Variants in ECE1 observed in about 807,000 individuals in gnomAD.
ECE1 encodes endothelin converting enzyme 1.
In ECE1, 35 loss-of-function variants were observed where a neutral mutation model predicts 98.6. That is an observed-to-expected ratio of 0.35 (90% CI 0.27 to 0.47). The LOEUF (loss-of-function observed/expected upper bound fraction) is 0.47. Among genes scored for constraint, ECE1 ranks in the 20% least tolerant of loss-of-function variants. The pLI is 1.00. For synonymous variants in ECE1, 394 were observed against 407.1 expected (o/e 0.97, Z 0.39); for missense variants, 814 against 1,025.3 (o/e 0.79, Z 2.81).
intron 10 of ECE1, among the ~76,000 whole-genome samples, chr1:21,238,879 C>T (rs1208909595): frequency 1.3e-5 from 2 of 151,906 alleles, no homozygotes; most frequent in African/African-American, 4.8e-5. Flanking sequence ...GTGGTGCGAT[C>T]ACACAGCTCA....
Position 21,319,770 on chromosome 1 carries a change from C to A in ECE1, c.3+25606G>T, listed in dbSNP as rs1638921139. ...TTGTCTTGGTCCCCCAGAGGGCCAACAAGCAGTCTGGGTGTTTACATTAGT... is the reference window on the plus strand; with the variant it reads ...TTGTCTTGGTCCCCCAGAGGGCCAAAAAGCAGTCTGGGTGTTTACATTAGT... On this transcript the variant is annotated intron_variant, in intron 1 of 18. Transcript: ENST00000415912. This position sits in a 1 kb window ranked among gnomAD's most constrained non-coding sequence, Gnocchi z 4.4. 6.6e-6 allele frequency among the ~76,000 whole-genome samples: 1 copy of A among 152,214 alleles called. No individual in the cohort carries two copies. Among genetic ancestry groups the A allele is most frequent in the Non-Finnish European group, 1.5e-5 (1 of 68,040 alleles).
chr1:21,229,093 G>A (rs139248375), intron 14 of ECE1, among the ~76,000 whole-genome samples: 46 of 152,038 alleles, frequency 3.0e-4, no homozygotes, highest in East Asian at 2.9e-3. Context: ...CGCCTGCCTC[G>A]GCCTCCCAAA....
intron 2 of ECE1, among the ~76,000 whole-genome samples, chr1:21,283,857 T>C (rs1221071416): frequency 6.6e-6 from 1 of 152,146 alleles, no homozygotes; most frequent in African/African-American, 2.4e-5. Flanking sequence ...AGTTTGAAAA[T>C]GGAGTTTTTA....
intron 2 of ECE1, among the ~76,000 whole-genome samples, chr1:21,288,839 C>A (rs1774962): frequency 0.028 from 4,191 of 152,184 alleles, 208 homozygotes; most frequent in African/African-American, 0.092. Flanking sequence ...CAGTGGTTGC[C>A]CCTCTCAGAG....
At chr1:21,290,496 G>GC (rs2098265606), upstream of ECE1, 1 of 1,216,902 alleles carries the variant, frequency 8.2e-7, no homozygotes, top group South Asian at 4.1e-5. This position sits in a 1 kb window ranked among gnomAD's most constrained non-coding sequence, Gnocchi z 7.3. Flanking sequence ...ACCTTCGCGG[G>GC]CGGGGCCTGA....
chr1:21,293,457 G>A (rs1392607343), upstream of ECE1: 2 of 152,118 alleles, frequency 1.3e-5, no homozygotes, highest in East Asian at 3.9e-4. Context: ...TCTGGGGCTG[G>A]AGCCTCTACA....
At chr1:21,342,285 C>T (rs1308766002) in intron 1 of ECE1, among the ~76,000 whole-genome samples, 1 of 152,136 alleles carries the variant, frequency 6.6e-6, no homozygotes, top group African/African-American at 2.4e-5. Context: ...CCAGGTTACC[C>T]CTCCAAAAGT....
At chr1:21,228,405 T>G (rs1573933930) in intron 14 of ECE1, among the ~76,000 whole-genome samples, 3 of 152,132 alleles carry the variant, frequency 2.0e-5, no homozygotes, top group African/African-American at 7.2e-5. Flanking sequence ...AACACCTGAC[T>G]GTCTATAAAT....
At chr1:21,228,995 C>T (rs920229866) in intron 14 of ECE1, among the ~76,000 whole-genome samples, 7 of 151,732 alleles carry the variant, frequency 4.6e-5, no homozygotes, top group African/African-American at 1.5e-4. Context: ...GCGCCCACCA[C>T]CTTGCCCGGC....
chr1:21,284,606 A>G (rs1401161553), intron 2 of ECE1, among the ~76,000 whole-genome samples: 1 of 152,242 alleles, frequency 6.6e-6, no homozygotes, highest in Non-Finnish European at 1.5e-5. Context: ...AGCCAAGGGA[A>G]CAAAGCCCTA....
upstream of ECE1, among the ~76,000 whole-genome samples, chr1:21,294,733 C>T (rs966709205): frequency 1.4e-4 from 21 of 152,148 alleles, no homozygotes; most frequent in African/African-American, 4.1e-4. This position sits in a 1 kb window ranked among gnomAD's most constrained non-coding sequence, Gnocchi z 4.2. Flanking sequence ...ATGGCTCTTG[C>T]GTTTGGTTGG....
chr1:21,302,177 G>C (rs941783412), intron 1 of ECE1, among the ~76,000 whole-genome samples: 1 of 152,228 alleles, frequency 6.6e-6, no homozygotes, highest in African/African-American at 2.4e-5. Context: ...GGAACCAGCA[G>C]CTTAACAGGC....
In ECE1 at chr1:21,307,806, G is replaced by A. The variant is rs985939374; in HGVS notation, c.4-17650C>T. On this transcript the variant is annotated intron_variant, in intron 1 of 18. Transcript: ENST00000415912. The surrounding 1 kb of genome is among the most constrained non-coding windows in gnomAD (Gnocchi z 4.2). Reference sequence around the variant, plus strand: ...GACAGATAAGCCTCTATGAAAGGTGGCCAGGCACAGGAAAGAGGCCCTGCC... The same window carrying A: ...GACAGATAAGCCTCTATGAAAGGTGACCAGGCACAGGAAAGAGGCCCTGCC... Among the ~76,000 whole-genome samples, 5 of 151,234 alleles carry A rather than the reference G, an allele frequency of 3.3e-5. No individual in the cohort carries two copies. The highest frequency in any genetic ancestry group is 1.3e-4 in the Admixed American group (2 of 15,202).
chr1:21,287,249 G>A (rs903437583), intron 2 of ECE1, among the ~76,000 whole-genome samples: 8 of 152,200 alleles, frequency 5.3e-5, no homozygotes, highest in African/African-American at 1.9e-4. Context: ...GCACAGGCTG[G>A]ATGTGGTGGC....
At chr1:21,311,669 A>T (rs905461642) in intron 1 of ECE1, among the ~76,000 whole-genome samples, 1 of 151,752 alleles carries the variant, frequency 6.6e-6, no homozygotes, top group Non-Finnish European at 1.5e-5. Flanking sequence ...TATAAAAATT[A>T]GCAGGCGTGG....
At chr1:21,335,417 C>T (rs547589497) in intron 1 of ECE1, among the ~76,000 whole-genome samples, 2 of 152,356 alleles carry the variant, frequency 1.3e-5, no homozygotes, top group Admixed American at 1.3e-4. Context: ...CTGCTCCATT[C>T]TCTTCTGTCC....
In ECE1 at chr1:21,232,349, A is replaced by G. The variant is rs542218210; in HGVS notation, c.1670+1209T>C. Among the ~76,000 whole-genome samples, 166 of 150,654 alleles carry G rather than the reference A, an allele frequency of 1.1e-3. 1 individual carries two copies. The highest frequency in any genetic ancestry group is 3.9e-3 in the African/African-American group (160 of 40,862). ...GGTCTCGCTCTGTTGCCCAGGCTGG[A>G]GTACAGTGGCATGATCTTGACTCAC... On this transcript the variant is annotated intron_variant, in intron 14 of 18. Coordinates refer to ENST00000374893, the MANE Select transcript of ECE1 (RefSeq NM_001397.3).
At chr1:21,245,721 T>C (rs1197221478) in intron 9 of ECE1, among the ~76,000 whole-genome samples, 3 of 152,184 alleles carry the variant, frequency 2.0e-5, no homozygotes, top group Non-Finnish European at 2.9e-5. Context: ...TAAAGAACTG[T>C]ATTTGTACAC....
intron 13 of ECE1, among the ~76,000 whole-genome samples, chr1:21,234,501 C>A (rs749196501): frequency 6.6e-6 from 1 of 151,380 alleles, no homozygotes; most frequent in Non-Finnish European, 1.5e-5. Flanking sequence ...TTTTTTGAGA[C>A]AGGGTCTTGC....
Sources: allele counts gnomAD v4.1 joint callset (sites outside exome capture counted in the v4.1 genomes callset), GRCh38; gene constraint gnomAD v4.1.1; non-coding constraint Gnocchi (gnomAD v3.1); transcripts MANE v1.5; gene names NCBI Gene and HGNC (gene_info 2026-07-23, HGNC 2026-07-21).